STPG2: variants seen among roughly 807,000 people sequenced by gnomAD.
STPG2 encodes the protein sperm tail PG-rich repeat containing 2.
In STPG2, 56 loss-of-function variants were observed where a neutral mutation model predicts 54.2. The ratio of observed to expected loss-of-function variants is 1.03; its 90% CI spans 0.83 to 1.29. The LOEUF is 1.29. STPG2 is among the 50% of genes most tolerant of loss of function. The pLI is 0.00. For missense variants in STPG2, 596 were observed against 544.9 expected, an observed-to-expected ratio of 1.09 and a Z score of -0.93; for synonymous variants, 200 against 181.8, an observed-to-expected ratio of 1.10 and a Z score of -0.81.
At chr4:98,082,434 T>C (rs1470118903) in intron 5 of STPG2, among the ~76,000 whole-genome samples, 3 of 1,442 alleles carry the variant, frequency 2.1e-3, no homozygotes, top group East Asian at 0.023. Context: ...GCAGGTCCAC[T>C]TTTTTTTTTT....
intron 6 of STPG2, among the ~76,000 whole-genome samples, chr4:97,977,710 G>T (rs1460306523): frequency 1.3e-5 from 2 of 152,200 alleles, no homozygotes; most frequent in Non-Finnish European, 2.9e-5. Context: ...AGTCAAGACT[G>T]AAGGGGAGAA....
intron 5 of STPG2, among the ~76,000 whole-genome samples, chr4:98,010,797 T>C (rs1735722364): frequency 6.6e-6 from 1 of 152,216 alleles, no homozygotes; most frequent in Non-Finnish European, 1.5e-5. Flanking sequence ...ATTGTGTACA[T>C]CTGTTTACCT....
chr4:97,814,728 A>G (rs1727855435), intron 9 of STPG2, among the ~76,000 whole-genome samples: 1 of 152,116 alleles, frequency 6.6e-6, no homozygotes, highest in Non-Finnish European at 1.5e-5. Context: ...GACAGGATAT[A>G]AAACAGGCAG....
In STPG2 at chr4:97,607,219, G is replaced by C. The variant is rs550856180; in HGVS notation, c.1321-48102C>G. On this transcript the variant is annotated intron_variant, in intron 10 of 10. Coordinates refer to ENST00000295268, the MANE Select transcript of STPG2 (RefSeq NM_174952.3). ...ATCAGCTGCTGCTGCTGCTGCTACA[G>C]AATCCAATGCCTCAGAATATTTTAT... is the stretch of plus-strand genomic sequence containing the variant. 2.5e-4 allele frequency among the ~76,000 whole-genome samples: 38 copies of C among 152,072 alleles called. 1 individual carries two copies. The highest frequency in any genetic ancestry group is 1.0e-3 in the Admixed American group (16 of 15,242).
At chr4:97,595,143 A>C (rs1472914397) in intron 10 of STPG2, among the ~76,000 whole-genome samples, 1 of 152,228 alleles carries the variant, frequency 6.6e-6, no homozygotes, top group East Asian at 1.9e-4. Flanking sequence ...ATAAAGACAC[A>C]TGCACACATA....
intron 10 of STPG2, among the ~76,000 whole-genome samples, chr4:97,594,335 T>A (rs1162644473): frequency 6.6e-6 from 1 of 152,162 alleles, no homozygotes; most frequent in East Asian, 1.9e-4. Context: ...GAAAAACTCA[T>A]GTCAAGAATT....
chr4:97,476,106 T>C (rs946773208), intron 4 of STPG2, among the ~76,000 whole-genome samples: 13 of 152,204 alleles, frequency 8.5e-5, no homozygotes, highest in African/African-American at 3.1e-4. Context: ...AATGTATGAA[T>C]TAATATATTG....
At chr4:98,006,597 C>G (rs945499404) in intron 5 of STPG2, among the ~76,000 whole-genome samples, 2 of 152,162 alleles carry the variant, frequency 1.3e-5, no homozygotes, top group Non-Finnish European at 2.9e-5. Context: ...GGGGAGAGGA[C>G]TCCACACTCA....
At chr4:97,745,869 C>T (rs1364847721) in intron 9 of STPG2, among the ~76,000 whole-genome samples, 4 of 151,202 alleles carry the variant, frequency 2.6e-5, no homozygotes. Context: ...AATGTCATTG[C>T]ATTTCAATAC....
chr4:97,931,660 T>G (rs899996804), intron 8 of STPG2, among the ~76,000 whole-genome samples: 1 of 151,828 alleles, frequency 6.6e-6, no homozygotes, highest in African/African-American at 2.4e-5. Context: ...TTGGTTTTTT[T>G]GTTTTTTGTT....
intron 5 of STPG2, among the ~76,000 whole-genome samples, chr4:98,087,662 G>A (rs1256705882): frequency 6.7e-6 from 1 of 149,438 alleles, no homozygotes; most frequent in Non-Finnish European, 1.5e-5. Flanking sequence ...CCGGGTTCAC[G>A]CCATTCTCCC....
At chr4:97,600,690 C>T (rs12506505) in intron 10 of STPG2, among the ~76,000 whole-genome samples, 3,275 of 152,192 alleles carry the variant, frequency 0.022, 134 homozygotes, top group East Asian at 0.1. Context: ...CACATACACA[C>T]ACAAAAAATA....
chr4:97,659,110 A>C (rs187140065), intron 10 of STPG2, among the ~76,000 whole-genome samples: 37 of 152,296 alleles, frequency 2.4e-4, no homozygotes, highest in Admixed American at 5.2e-4. Flanking sequence ...AATAGCTTTT[A>C]AGAGTATAAA....
chr4:98,052,826 A>G (rs1225886821), intron 5 of STPG2, among the ~76,000 whole-genome samples: 8 of 152,200 alleles, frequency 5.3e-5, no homozygotes, highest in Admixed American at 5.2e-4. Flanking sequence ...CTATATACTC[A>G]TAAATAAGTA....
intron 4 of STPG2, among the ~76,000 whole-genome samples, chr4:97,448,176 A>G (rs1294168324): frequency 6.6e-6 from 1 of 152,096 alleles, no homozygotes; most frequent in Admixed American, 6.5e-5. Context: ...CCCATATTGT[A>G]TCTTGGAAGT....
chr4:97,645,524 C>T (rs922338975), intron 10 of STPG2, among the ~76,000 whole-genome samples: 2 of 152,138 alleles, frequency 1.3e-5, no homozygotes, highest in Admixed American at 6.6e-5. Context: ...GCCTTTTAAC[C>T]TTTGCCATGT....
chr4:97,652,123 T>C lies in STPG2; in HGVS notation c.1320+60576A>G, dbSNP rs189168466. ...TTGCATAAGCCTAAAGGAAAGCTTT[T>C]ATCTAAAGGCCGTGAAACATCACTT... On this transcript the variant is annotated intron_variant, in intron 10 of 10. Coordinates refer to ENST00000295268, the MANE Select transcript of STPG2 (RefSeq NM_174952.3). Among the ~76,000 whole-genome samples the C allele has an allele frequency of 1.2e-4, 18 of 152,012 alleles. No homozygotes were observed. In the East Asian group the frequency reaches 2.7e-3, roughly 23 times the overall value.
At chr4:97,632,541 T>G (rs1041752437) in intron 10 of STPG2, among the ~76,000 whole-genome samples, 1 of 152,114 alleles carries the variant, frequency 6.6e-6, no homozygotes, top group African/African-American at 2.4e-5. Flanking sequence ...AATCCTGAGT[T>G]CTTGCTCTGA....
chr4:97,606,267 A>G (rs1733589651), intron 10 of STPG2, among the ~76,000 whole-genome samples: 1 of 151,880 alleles, frequency 6.6e-6, no homozygotes, highest in Non-Finnish European at 1.5e-5. Context: ...TCTGTTAAAT[A>G]TTCCTATTTT....
Sources: gnomAD v4.1 joint callset for allele counts (sites outside exome capture counted in the v4.1 genomes callset) on GRCh38, gnomAD v4.1.1 for gene constraint, MANE v1.5 for transcripts, NCBI Gene and HGNC (gene_info 2026-07-23, HGNC 2026-07-21) for gene names.